The following NSMAF variants were observed in gnomAD, a reference collection of about 807,000 sequenced individuals.
NSMAF encodes protein FAN.
Under a neutral mutation model 134.9 loss-of-function variants are expected in NSMAF, and 90 were observed. That is an observed-to-expected ratio of 0.67 (90% CI 0.56 to 0.79). NSMAF has a LOEUF of 0.79. Among genes scored for constraint, NSMAF ranks in the 30% least tolerant of loss-of-function variants. The pLI is 0.00. For synonymous variants in NSMAF, 358 were observed against 389.6 expected (o/e 0.92, Z 0.96); for missense variants, 1,010 against 1,119.0 (o/e 0.90, Z 1.39).
At chr8:58,656,969 A>C (rs755612687) in intron 1 of NSMAF, among the ~76,000 whole-genome samples, 5 of 152,206 alleles carry the variant, frequency 3.3e-5, no homozygotes, top group African/African-American at 4.8e-5. Context: ...TATACTAAAA[A>C]ATTATTCATT....
chr8:58,643,839 T>G (rs902237500), intron 1 of NSMAF, among the ~76,000 whole-genome samples: 2 of 152,132 alleles, frequency 1.3e-5, no homozygotes, highest in African/African-American at 4.8e-5. Context: ...CAACAGATCT[T>G]TAGATATTCC....
chr8:58,598,490 C>CAAAAAAAAAAAAAAAAA (rs71250204), intron 19 of NSMAF, among the ~76,000 whole-genome samples: 21 of 125,942 alleles, frequency 1.7e-4, no homozygotes, highest in African/African-American at 2.8e-4. Flanking sequence ...CTGTCTCAAA[C>CAAAAAAAAAAAAAAAAA]AAAAAAAAAA....
In NSMAF at chr8:58,623,273, C is replaced by G; in HGVS notation, c.505-1G>C. On this transcript the variant is annotated splice_acceptor_variant, in intron 8 of 30. Coordinates refer to ENST00000038176, the MANE Select transcript of NSMAF (RefSeq NM_003580.4). LOFTEE classifies it high-confidence loss of function. Reference sequence around the variant, plus strand: ...AACGAGACTGCAAAATAGCTGTTATCTATTAAAACAGAACCAGAAAAAAAG... The same window carrying G: ...AACGAGACTGCAAAATAGCTGTTATGTATTAAAACAGAACCAGAAAAAAAG... 6.2e-7 allele frequency: 1 copy of G among 1,608,724 alleles called. No homozygotes were observed. Among genetic ancestry groups the G allele is most frequent in the Non-Finnish European group, 8.5e-7 (1 of 1,177,232 alleles).
At chr8:58,635,108 T>C (rs1173332313) in intron 5 of NSMAF, 81 bp downstream of exon 5, 24 of 1,032,418 alleles carry the variant, frequency 2.3e-5, no homozygotes, top group Non-Finnish European at 1.6e-5. Context: ...CTTCATCTGA[T>C]ATCTCTACAA....
intron 23 of NSMAF, among the ~76,000 whole-genome samples, chr8:58,592,910 AC>A (rs61196735): frequency 0.25 from 22,854 of 91,104 alleles, 4,731 homozygotes; most frequent in African/African-American, 0.54. Flanking sequence ...AACAAAAACA[AC>A]AACAACAAAA....
chr8:58,587,599 G>A lies in NSMAF; in HGVS notation c.2295+19C>T. 1.9e-6 allele frequency: 3 copies of A among 1,610,964 alleles called. No individual in the cohort carries two copies. In the South Asian group the frequency reaches 3.3e-5, roughly 18 times the overall value. On this transcript the variant is annotated intron_variant, in intron 27 of 30. Transcript: ENST00000038176. ...ACTTTTAAGGTCAGTTTTCTGTACAGTTTGTTGCTGGTACTCACACTGACA... is the reference window on the plus strand; with the variant it reads ...ACTTTTAAGGTCAGTTTTCTGTACAATTTGTTGCTGGTACTCACACTGACA...
At position 58,652,268 on chromosome 8, in the gene NSMAF, G is replaced by A. The variant is rs543771862; in HGVS notation, c.59+7305C>T. ...AAGAACAATTAGACTTAACAATATT[G>A]GTTTGTTGCAGGCTGGTCTCCCAGA... is the stretch of plus-strand genomic sequence containing the variant. On this transcript the variant is annotated intron_variant, in intron 1 of 30. Coordinates refer to ENST00000038176, the MANE Select transcript of NSMAF (RefSeq NM_003580.4). 2.4e-4 allele frequency among the ~76,000 whole-genome samples: 37 copies of A among 152,258 alleles called. 1 individual carries two copies. Among genetic ancestry groups the A allele is most frequent in the Admixed American group, 3.9e-4 (6 of 15,294 alleles).
intron 26 of NSMAF, among the ~76,000 whole-genome samples, 179 bp from the exon 27 acceptor site, chr8:58,587,880 C>T (rs952855236): frequency 7.2e-5 from 11 of 152,226 alleles, no homozygotes; most frequent in African/African-American, 2.2e-4. Flanking sequence ...CCAGCATGTG[C>T]TTGCTTACTG....
In NSMAF at chr8:58,586,516, G is replaced by A. The variant is rs1373324020; in HGVS notation, c.2388C>T (p.Thr796=). Reference sequence around the variant, plus strand: ...AATGGCATGGAATCTGGTGCATTAAGGTGGCCGTTGTGAGGTCCCAAATAT... The same window carrying A: ...AATGGCATGGAATCTGGTGCATTAAAGTGGCCGTTGTGAGGTCCCAAATAT... ...TVNIWDLTTA[T]LMHQIPCHSG... Residue 796 remains threonine, a synonymous_variant, in exon 28 of 31, where the codon ACC becomes ACT. Coordinates refer to ENST00000038176, the MANE Select transcript of NSMAF (RefSeq NM_003580.4). The A allele has an allele frequency of 3.7e-6, 6 of 1,613,320 alleles. No individual in the cohort carries two copies. The highest frequency in any genetic ancestry group is 5.1e-6 in the Non-Finnish European group (6 of 1,179,960).
Position 58,642,972 on chromosome 8 carries a change from A to C in NSMAF, c.149+12T>G. 6.3e-7 allele frequency: 1 copy of C among 1,597,826 alleles called. No homozygotes were observed. Among genetic ancestry groups the C allele is most frequent in the Non-Finnish European group, 8.6e-7 (1 of 1,165,110 alleles). ...GGTTTGTTTGTCCAAGGAGATACCG[A>C]AGCTTCCTTACCTTTCATGGTGACT... On this transcript the variant is annotated intron_variant, in intron 2 of 30. Coordinates refer to ENST00000038176, the MANE Select transcript of NSMAF (RefSeq NM_003580.4).
At chr8:58,635,433 AG>A (rs753082668) in intron 3 of NSMAF, 34 bp downstream of exon 3, 119 of 1,570,398 alleles carry the variant, frequency 7.6e-5, no homozygotes, top group Admixed American at 4.5e-4. Context: ...CACAAAAAAT[AG>A]GAATGTTTCT....
At chr8:58,599,083 C>G in intron 19 of NSMAF, 149 bp downstream of exon 19, 1 of 767,604 alleles carries the variant, frequency 1.3e-6, no homozygotes, top group Non-Finnish European at 2.1e-6. Flanking sequence ...ACGCTGGAGT[C>G]TGACAGAACA....
intron 5 of NSMAF, 145 bp from the exon 6 acceptor site, chr8:58,631,691 G>A: frequency 2.1e-6 from 1 of 466,392 alleles, no homozygotes; most frequent in Non-Finnish European, 3.8e-6. Context: ...TTTAGTATTA[G>A]TACTAGTATG....
chr8:58,584,240 G>A (rs1185237938), intron 30 of NSMAF, 40 bp from the exon 31 acceptor site: 1 of 1,445,560 alleles, frequency 6.9e-7, no homozygotes, highest in African/African-American at 1.4e-5. Context: ...AAGTTGACCA[G>A]GAGGCACCCA....
intron 27 of NSMAF, 132 bp from the exon 28 acceptor site, chr8:58,586,740 A>C (rs1585722511): frequency 1.6e-6 from 1 of 636,698 alleles, no homozygotes; most frequent in East Asian, 2.8e-5. Flanking sequence ...CGGTGTTGCT[A>C]ATGCAGATGT....
At position 58,590,067 on chromosome 8, in the gene NSMAF, G is replaced by T; in HGVS notation, c.2027C>A (p.Ser676Ter). The T allele has an allele frequency of 6.2e-7, 1 of 1,612,570 alleles. No homozygotes were observed. Residue 676 changes from serine to a stop codon, truncating the protein, a stop_gained, in exon 25 of 31, where the codon TCG becomes TAG. Coordinates refer to ENST00000038176, the MANE Select transcript of NSMAF (RefSeq NM_003580.4). LOFTEE classifies it high-confidence loss of function. ...ATCTCCTGGTAAAAGTAAACAAGAC[G>T]ATAAAGCCTGAAATACAAATGATTT... Reference protein sequence around the residue: ...RSISFSNMALSSCLLLPGDAT... With the variant: ...RSISFSNMAL
chr8:58,659,446 C>G (rs1486648319), intron 1 of NSMAF, 127 bp downstream of exon 1: 1 of 1,494,278 alleles, frequency 6.7e-7, no homozygotes, highest in East Asian at 2.8e-5. Flanking sequence ...GCCCTGGACA[C>G]GCGTCCGGCC....
chr8:58,588,776 G>C, intron 26 of NSMAF: 1 of 1,093,550 alleles, frequency 9.1e-7, no homozygotes, highest in Non-Finnish European at 1.4e-6. Context: ...TTGGAGGCAC[G>C]GACCGGAGAG....
intron 9 of NSMAF, among the ~76,000 whole-genome samples, chr8:58,610,762 G>A (rs926934488): frequency 1.3e-5 from 2 of 152,170 alleles, no homozygotes; most frequent in Non-Finnish European, 2.9e-5. Context: ...AAATGCTGTC[G>A]ACTGAGGTGC....
Sources: gnomAD v4.1 joint callset for allele counts (sites outside exome capture counted in the v4.1 genomes callset) on GRCh38, gnomAD v4.1.1 for gene constraint, MANE v1.5 for transcripts, NCBI Gene and HGNC (gene_info 2026-07-23, HGNC 2026-07-21) for gene names.